The following PDS5B variants were observed in gnomAD, a reference collection of about 807,000 sequenced individuals.
PDS5B encodes the protein PDS5 cohesin associated factor B, also known as sister chromatid cohesion protein PDS5 homolog B.
PDS5B carries 51 observed loss-of-function variants against 184.1 expected under a neutral mutation model. The ratio of observed to expected loss-of-function variants is 0.28; its 90% CI spans 0.22 to 0.35. The LOEUF (loss-of-function observed/expected upper bound fraction) is 0.35, where lower values mean the gene tolerates loss of function less well. Ranked by LOEUF, PDS5B falls within the 10% of genes least tolerant of loss-of-function variation. PDS5B has a pLI of 1.00. For synonymous variants in PDS5B, 566 were observed against 569.2 expected, an observed-to-expected ratio of 0.99 and a Z score of 0.08; for missense variants, 1,180 against 1,723.3, an observed-to-expected ratio of 0.68 and a Z score of 5.58.
At chr13:32,733,747 A>ACGGTGAAAAGTTCC (rs1953206497) in intron 20 of PDS5B, among the ~76,000 whole-genome samples, 1 of 152,188 alleles carries the variant, frequency 6.6e-6, no homozygotes, top group South Asian at 2.1e-4. Context: ...AAAAGAATAT[A>ACGGTGAAAAGTTCC]CGGTGAAAAG....
At chr13:32,616,921 G>A (rs559775405) in intron 1 of PDS5B, among the ~76,000 whole-genome samples, 2 of 152,238 alleles carry the variant, frequency 1.3e-5, no homozygotes, top group East Asian at 3.9e-4. Context: ...TTTTCTCTAA[G>A]GGATTAAAGT....
intron 3 of PDS5B, among the ~76,000 whole-genome samples, chr13:32,654,008 C>T (rs1950435282): frequency 6.6e-6 from 1 of 152,168 alleles, no homozygotes; most frequent in Non-Finnish European, 1.5e-5. Flanking sequence ...TCTAACAGGA[C>T]AATTTATGAG....
At position 32,651,986 on chromosome 13, in the gene PDS5B, C is replaced by T. The variant is rs751816021; in HGVS notation, c.291C>T (p.Tyr97=). The change falls in exon 3 of 35, where the codon TAC becomes TAT. Residue 97 remains tyrosine, a synonymous_variant. Transcript: ENST00000315596. ...IFRIYAPEAP[Y]TSPDKLKDIF... is the part of the protein sequence containing the mutation. Reference sequence around the variant, plus strand: ...GGATTTATGCTCCTGAAGCTCCTTACACATCCCCTGATAAACTAAAGGCAA... The same window carrying T: ...GGATTTATGCTCCTGAAGCTCCTTATACATCCCCTGATAAACTAAAGGCAA... 3.7e-6 allele frequency: 6 copies of T among 1,612,334 alleles called. No homozygotes were observed. The highest frequency in any genetic ancestry group is 1.7e-4 in the Middle Eastern group (1 of 6,050).
intron 13 of PDS5B, among the ~76,000 whole-genome samples, chr13:32,693,008 C>T (rs1390294512): frequency 6.6e-6 from 1 of 151,882 alleles, no homozygotes; most frequent in Non-Finnish European, 1.5e-5. Context: ...AAGTAAGCTT[C>T]AAAATCTAGG....
At chr13:32,629,366 C>T (rs143909344) in intron 1 of PDS5B, among the ~76,000 whole-genome samples, 12 of 151,572 alleles carry the variant, frequency 7.9e-5, no homozygotes, top group East Asian at 1.9e-4. Context: ...ATTTGGATAC[C>T]GAGTGTTGGC....
chr13:32,613,962 C>G (rs2058181379), intron 1 of PDS5B, among the ~76,000 whole-genome samples: 1 of 152,108 alleles, frequency 6.6e-6, no homozygotes, highest in African/African-American at 2.4e-5. Context: ...TGTTGATAAC[C>G]TGTTCTGTCA....
chr13:32,702,789 C>T (rs1951899683), intron 17 of PDS5B, among the ~76,000 whole-genome samples: 1 of 152,082 alleles, frequency 6.6e-6, no homozygotes, highest in Non-Finnish European at 1.5e-5. Flanking sequence ...AGATGGGGAG[C>T]AGATTGTGAA....
intron 17 of PDS5B, among the ~76,000 whole-genome samples, chr13:32,702,680 T>G (rs1593463490): frequency 6.6e-6 from 1 of 152,306 alleles, no homozygotes; most frequent in Middle Eastern, 3.4e-3. Flanking sequence ...TAAGCTAATT[T>G]GATAGTAAAG....
chr13:32,726,855 C>G (rs978222578), intron 19 of PDS5B, among the ~76,000 whole-genome samples: 11 of 152,054 alleles, frequency 7.2e-5, no homozygotes, highest in Admixed American at 1.3e-4. Context: ...GTTTCAGGCT[C>G]CAGTGAGCTA....
intron 1 of PDS5B, among the ~76,000 whole-genome samples, chr13:32,642,724 T>A (rs1950130130): frequency 6.7e-6 from 1 of 149,912 alleles, no homozygotes; most frequent in Admixed American, 6.8e-5. Flanking sequence ...ATACTTCTGG[T>A]CCAGTAACTG....
Position 32,701,556 on chromosome 13 carries a change from C to G in PDS5B, c.1856+118C>G, listed in dbSNP as rs187006852. The G allele has an allele frequency of 1.3e-3, 791 of 605,558 alleles. 5 individuals carry two copies. The highest frequency in any genetic ancestry group is 5.5e-3 in the Middle Eastern group (17 of 3,100). The allele number at this position is 605,558 out of a possible 1,614,324, so 37.5% of individuals were successfully genotyped here. A position where few individuals can be genotyped will look rare whatever the true frequency, so the allele number is the denominator to read the frequency against. On this transcript the variant is annotated intron_variant, in intron 17 of 34. Coordinates refer to ENST00000315596, the MANE Select transcript of PDS5B (RefSeq NM_015032.4). ...ACACATCTGTGTGTATTGTGTACTC[C>G]TCTGTATATACTCCTCTGCATATAC...
At chr13:32,740,685 A>AT (rs559448800) in intron 21 of PDS5B, among the ~76,000 whole-genome samples, 2,686 of 146,898 alleles carry the variant, frequency 0.018, 27 homozygotes, top group African/African-American at 0.026. Context: ...CCAGCTCAAG[A>AT]TTTTTTTTTT....
intron 7 of PDS5B, among the ~76,000 whole-genome samples, chr13:32,668,974 C>G (rs1437439520): frequency 6.6e-6 from 1 of 152,120 alleles, no homozygotes; most frequent in South Asian, 2.1e-4. Flanking sequence ...GGTAAACTTT[C>G]AGAAGCTGTG....
chr13:32,675,339 A>G (rs1280115141), intron 8 of PDS5B, among the ~76,000 whole-genome samples: 1 of 152,182 alleles, frequency 6.6e-6, no homozygotes, highest in East Asian at 1.9e-4. Flanking sequence ...GCCTCTTTTT[A>G]CTGTTGAGCT....
rs184530099 is a variant in PDS5B at position 32,743,566 on chromosome 13, A to G, written c.2612+839A>G. Among the ~76,000 whole-genome samples the G allele has an allele frequency of 6.2e-4, 95 of 152,204 alleles. 1 individual carries two copies. Among genetic ancestry groups the G allele is most frequent in the African/African-American group, 2.2e-3 (93 of 41,550 alleles). On this transcript the variant is annotated intron_variant, in intron 23 of 34. Transcript: ENST00000315596. Reference sequence around the variant, plus strand: ...TAGGAGAATAGCTCTGTGCTCCTTAATATATCTAAAGACTTTAATAAGAAA... The same window carrying G: ...TAGGAGAATAGCTCTGTGCTCCTTAGTATATCTAAAGACTTTAATAAGAAA...
intron 10 of PDS5B, among the ~76,000 whole-genome samples, chr13:32,680,734 C>G (rs768862435): frequency 3.3e-5 from 5 of 152,142 alleles, no homozygotes; most frequent in African/African-American, 4.8e-5. Context: ...GTTCTTGTTG[C>G]TAGTTCCTAT....
chr13:32,665,029 A>G (rs374829110), intron 6 of PDS5B, among the ~76,000 whole-genome samples: 9 of 152,330 alleles, frequency 5.9e-5, no homozygotes, highest in East Asian at 1.9e-4. Context: ...CCCTTTGGCT[A>G]TAATCAGTCA....
At chr13:32,764,375 C>A in intron 30 of PDS5B, 114 bp from the exon 31 acceptor site, 1 of 474,778 alleles carries the variant, frequency 2.1e-6, no homozygotes, top group Non-Finnish European at 3.6e-6. Flanking sequence ...GAAACTGATT[C>A]ATTTTTGAAA....
intron 1 of PDS5B, among the ~76,000 whole-genome samples, chr13:32,619,219 T>G (rs2058260950): frequency 6.6e-6 from 1 of 152,174 alleles, no homozygotes; most frequent in African/African-American, 2.4e-5. Flanking sequence ...ATCTTTATGA[T>G]ATAGACATAG....
Sources: gnomAD v4.1 joint callset for allele counts (sites outside exome capture counted in the v4.1 genomes callset) on GRCh38, gnomAD v4.1.1 for gene constraint, MANE v1.5 for transcripts, NCBI Gene and HGNC (gene_info 2026-07-23, HGNC 2026-07-21) for gene names.